The following NTM variants were observed in gnomAD, a reference collection of about 807,000 sequenced individuals.
NTM encodes the protein neurotrimin.
In NTM, 13 loss-of-function variants were observed where a neutral mutation model predicts 42.1. That is an observed-to-expected ratio of 0.31 (90% CI 0.20 to 0.49). NTM has a LOEUF of 0.49. NTM is among the 20% of genes least tolerant of loss of function. The probability of loss-of-function intolerance (pLI) is 0.99; values close to 1 mark genes in which losing one functional copy is unlikely to be tolerated. For synonymous variants in NTM, 187 were observed against 179.2 expected (o/e 1.04, Z -0.35); for missense variants, 373 against 452.8 (o/e 0.82, Z 1.60).
intron 5 of NTM, among the ~76,000 whole-genome samples, chr11:132,308,615 G>A (rs530503734): frequency 1.3e-5 from 2 of 151,950 alleles, no homozygotes; most frequent in Admixed American, 6.6e-5. Context: ...TAACTAAATC[G>A]GCAAACGAGA....
chr11:132,231,863 T>C (rs915211211), intron 4 of NTM, among the ~76,000 whole-genome samples: 4 of 39,466 alleles, frequency 1.0e-4, no homozygotes, highest in African/African-American at 6.4e-4. Flanking sequence ...TCATTTGATA[T>C]TAAACATCAG....
At chr11:131,696,401 T>C (rs1405502242) in intron 1 of NTM, among the ~76,000 whole-genome samples, 3 of 152,174 alleles carry the variant, frequency 2.0e-5, no homozygotes, top group African/African-American at 7.2e-5. Flanking sequence ...CACCATTACT[T>C]ACTAGGCTCC....
chr11:131,802,641 C>T (rs749599046), intron 1 of NTM, among the ~76,000 whole-genome samples: 2 of 152,166 alleles, frequency 1.3e-5, no homozygotes, highest in African/African-American at 2.4e-5. Context: ...CAGCTCTGCC[C>T]TTGTCTGTTA....
rs192788806 is a variant in NTM, at chr11:131,873,667, A to G, written c.83-37897A>G. Among the ~76,000 whole-genome samples the G allele has an allele frequency of 5.3e-3, 593 of 111,522 alleles. 30 individuals carry two copies. The highest frequency in any genetic ancestry group is 0.021 in the African/African-American group (564 of 27,110). The allele number at this position is 111,522 out of a possible 152,430, so 73.2% of individuals were successfully genotyped here. A position where few individuals can be genotyped will look rare whatever the true frequency, so the allele number is the denominator to read the frequency against. On this transcript the variant is annotated intron_variant, in intron 1 of 8. Coordinates refer to ENST00000683400, the MANE Select transcript of NTM (RefSeq NM_001352005.2). ...TATATATACACACATATATATACAC[A>G]TATATATATACACACATATATATAC...
chr11:131,487,582 C>T (rs1036161464), intron 1 of NTM, among the ~76,000 whole-genome samples: 4 of 152,066 alleles, frequency 2.6e-5, no homozygotes, highest in African/African-American at 7.2e-5. Flanking sequence ...GCCAGGGTAA[C>T]AATAGAAAAC....
chr11:131,903,962 AC>A (rs1472057557), intron 1 of NTM, among the ~76,000 whole-genome samples: 1 of 152,118 alleles, frequency 6.6e-6, no homozygotes, highest in Non-Finnish European at 1.5e-5. Context: ...TTTTTGACAA[AC>A]AAAGGAGCTA....
chr11:131,443,789 T>C (rs1949805819), intron 1 of NTM, among the ~76,000 whole-genome samples: 1 of 152,230 alleles, frequency 6.6e-6, no homozygotes, highest in Admixed American at 6.5e-5. Context: ...CCTTGGTGAA[T>C]GCCAACTTCC....
intron 1 of NTM, among the ~76,000 whole-genome samples, chr11:131,633,545 C>T (rs2063883677): frequency 6.6e-6 from 1 of 151,632 alleles, no homozygotes; most frequent in African/African-American, 2.4e-5. Flanking sequence ...CTCTCTCTAT[C>T]TCTATCTCTC....
At chr11:131,432,554 G>T (rs1156925866) in intron 1 of NTM, among the ~76,000 whole-genome samples, 1 of 152,190 alleles carries the variant, frequency 6.6e-6, no homozygotes, top group Non-Finnish European at 1.5e-5. Context: ...ACACAGTACA[G>T]TGGGGCTGCG....
At chr11:131,698,278 C>T (rs2075692169) in intron 1 of NTM, among the ~76,000 whole-genome samples, 2 of 152,080 alleles carry the variant, frequency 1.3e-5, no homozygotes, top group Admixed American at 1.3e-4. Context: ...GAAGGTGTAC[C>T]CCCCACCCTA....
intron 1 of NTM, among the ~76,000 whole-genome samples, chr11:131,411,032 T>C (rs1349100167): frequency 1.3e-5 from 2 of 152,198 alleles, no homozygotes; most frequent in Middle Eastern, 3.2e-3. Context: ...TTATACCACA[T>C]ACTTCTATCC....
At chr11:132,160,366 C>T (rs146789835) in intron 3 of NTM, among the ~76,000 whole-genome samples, 13 of 152,326 alleles carry the variant, frequency 8.5e-5, no homozygotes, top group Admixed American at 5.2e-4. Flanking sequence ...ATGAAGCTCA[C>T]GGTCTGGTGG....
chr11:132,182,682 G>T (rs1328754417), intron 3 of NTM, among the ~76,000 whole-genome samples: 1 of 152,206 alleles, frequency 6.6e-6, no homozygotes, highest in Non-Finnish European at 1.5e-5. Context: ...GATGCAGTCT[G>T]CATTGCTGCC....
At chr11:132,299,369 A>T (rs565138579) in intron 4 of NTM, among the ~76,000 whole-genome samples, 1 of 152,148 alleles carries the variant, frequency 6.6e-6, no homozygotes, top group African/African-American at 2.4e-5. Context: ...TATAGTGAAC[A>T]TGGAAGTTGT....
At chr11:132,103,137 C>T (rs560949005) in intron 2 of NTM, among the ~76,000 whole-genome samples, 16 of 152,354 alleles carry the variant, frequency 1.1e-4, no homozygotes, top group Middle Eastern at 3.4e-3. Context: ...TGGAGGTGAC[C>T]GCCTGGGCGC....
intron 4 of NTM, among the ~76,000 whole-genome samples, chr11:132,227,388 G>T (rs2086537095): frequency 1.3e-5 from 2 of 152,020 alleles, no homozygotes; most frequent in African/African-American, 4.8e-5. Context: ...GAGGGAGAAT[G>T]GGTTAAAGAA....
At chr11:132,181,762 A>G (rs2077606507) in intron 3 of NTM, among the ~76,000 whole-genome samples, 1 of 152,118 alleles carries the variant, frequency 6.6e-6, no homozygotes, top group Non-Finnish European at 1.5e-5. Context: ...GATACCTCTG[A>G]ATGCTGGACA....
chr11:131,572,706 C>G (rs1442902311), intron 1 of NTM, among the ~76,000 whole-genome samples: 1 of 152,168 alleles, frequency 6.6e-6, no homozygotes, highest in African/African-American at 2.4e-5. Flanking sequence ...AAAAAGCCCA[C>G]GTCACCCTAG....
At chr11:131,610,554 G>A (rs547638688) in intron 1 of NTM, among the ~76,000 whole-genome samples, 1 of 152,194 alleles carries the variant, frequency 6.6e-6, no homozygotes, top group Non-Finnish European at 1.5e-5. Context: ...GGAGAGCTTG[G>A]TTTTAACACA....
Sources: allele counts gnomAD v4.1 joint callset (sites outside exome capture counted in the v4.1 genomes callset), GRCh38; gene constraint gnomAD v4.1.1; transcripts MANE v1.5; gene names NCBI Gene and HGNC (gene_info 2026-07-23, HGNC 2026-07-21).